Variants in PIKFYVE observed in about 807,000 individuals in gnomAD.
The protein encoded by PIKFYVE is 1-phosphatidylinositol 3-phosphate 5-kinase.
A neutral mutation model predicts 257.9 loss-of-function variants in PIKFYVE; 122 were observed. The observed-to-expected ratio is 0.47, with a 90% CI of 0.41 to 0.55. The LOEUF (loss-of-function observed/expected upper bound fraction) is 0.55, where lower values mean the gene tolerates loss of function less well. Among genes scored for constraint, PIKFYVE ranks in the 20% least tolerant of loss-of-function variants. The pLI is 0.00. For synonymous variants in PIKFYVE, 892 were observed against 868.9 expected (o/e 1.03, Z -0.47); for missense variants, 2,160 against 2,536.6 (o/e 0.85, Z 3.19).
intron 31 of PIKFYVE, 112 bp downstream of exon 31, chr2:208,340,243 AT>A: frequency 7.3e-7 from 1 of 1,366,852 alleles, no homozygotes; most frequent in Non-Finnish European, 1.0e-6. Context: ...CCTAAATTTT[AT>A]TTCATTTTAG....
chr2:208,285,803 GA>G lies in PIKFYVE; in HGVS notation c.693del (p.Asp232ThrfsTer2). 6.2e-7 allele frequency: 1 copy of G among 1,613,994 alleles called. No homozygotes were observed. The highest frequency in any genetic ancestry group is 1.3e-5 in the African/African-American group (1 of 75,006). On this transcript the variant is annotated frameshift_variant, in exon 6 of 42. Transcript: ENST00000264380. LOFTEE classifies it high-confidence loss of function. The stretch of plus-strand genomic sequence containing the variant: ...TTCCACAGACAGTAATTCTATTGGG[GA>G]AGACTTGAATGCTCTTTCAGATTCT... ...AHSTDSNSIG[E>X]DLNALSDSAC...
intron 35 of PIKFYVE, among the ~76,000 whole-genome samples, chr2:208,349,338 T>C (rs1699543120): frequency 6.6e-6 from 1 of 152,060 alleles, no homozygotes; most frequent in Admixed American, 6.5e-5. Flanking sequence ...TTTGTTCTTC[T>C]AGATATTAAG....
chr2:208,285,818 C>T lies in PIKFYVE; in HGVS notation c.706C>T (p.Leu236Phe). 1 of 1,614,052 alleles carries T rather than the reference C, an allele frequency of 6.2e-7. No homozygotes were observed. The highest frequency in any genetic ancestry group is 8.5e-7 in the Non-Finnish European group (1 of 1,179,940). ...TTCTATTGGGGAAGACTTGAATGCTCTTTCAGATTCTGCTTGCTCTGTGTC... is the reference window on the plus strand; with the variant it reads ...TTCTATTGGGGAAGACTTGAATGCTTTTTCAGATTCTGCTTGCTCTGTGTC... ...SNSIGEDLNA[L>F]SDSACSVSVL... The change falls in exon 6 of 42, where the codon CTT becomes TTT. Residue 236 changes from leucine to phenylalanine, a missense_variant. By Grantham distance (22) the Leu-to-Phe change is conservative (BLOSUM62 0). Coordinates refer to ENST00000264380, the MANE Select transcript of PIKFYVE (RefSeq NM_015040.4).
chr2:208,300,043 C>T (rs1464529792), intron 8 of PIKFYVE, among the ~76,000 whole-genome samples: 1 of 151,898 alleles, frequency 6.6e-6, no homozygotes, highest in African/African-American at 2.4e-5. Flanking sequence ...AACAAACAAA[C>T]CAGCAAACCC....
chr2:208,318,818 G>T (rs560025169), intron 16 of PIKFYVE, among the ~76,000 whole-genome samples: 3 of 152,098 alleles, frequency 2.0e-5, no homozygotes, highest in Admixed American at 6.5e-5. Flanking sequence ...CGGCGTGGTG[G>T]CGTGTGCCTG....
chr2:208,269,784 C>G (rs1689164239), intron 1 of PIKFYVE: 1 of 250,074 alleles, frequency 4.0e-6, no homozygotes, highest in African/African-American at 2.3e-5. Flanking sequence ...TAAACTTGAT[C>G]ACCACTTTGG....
In PIKFYVE at chr2:208,328,185, C is replaced by T; in HGVS notation, c.3624C>T (p.Asp1208=). 6.2e-7 allele frequency: 1 copy of T among 1,613,752 alleles called. No individual in the cohort carries two copies. Among genetic ancestry groups the T allele is most frequent in the South Asian group, 1.1e-5 (1 of 91,080 alleles). ...LSDAVWSTKV[D]CLNPINHQRL... is the part of the protein sequence containing the mutation. Reference sequence around the variant, plus strand: ...ATTCATTCCTTCTATTTCAGGTGGACTGTCTGAATCCCATTAATCACCAGA... The same window carrying T: ...ATTCATTCCTTCTATTTCAGGTGGATTGTCTGAATCCCATTAATCACCAGA... The change falls in exon 21 of 42, where the codon GAC becomes GAT. Residue 1208 remains aspartate, a synonymous_variant. Coordinates refer to ENST00000264380, the MANE Select transcript of PIKFYVE (RefSeq NM_015040.4).
intron 7 of PIKFYVE, among the ~76,000 whole-genome samples, chr2:208,296,252 G>A (rs557430845): frequency 1.3e-5 from 2 of 152,248 alleles, no homozygotes; most frequent in East Asian, 1.9e-4. Context: ...TGATCCACCT[G>A]CCTCGGCCTC....
At position 208,304,333 on chromosome 2, in the gene PIKFYVE, C is replaced by T. The variant is rs781345811; in HGVS notation, c.1468+15C>T. 90 of 1,612,868 alleles carry T rather than the reference C, an allele frequency of 5.6e-5. No homozygotes were observed. The highest frequency in any genetic ancestry group is 7.4e-5 in the Non-Finnish European group (87 of 1,179,474). ...TAATTTGGCTAGTGAGTTTAACTTTCTAACATTTTAGTTTTGATGGGTCAT... is the reference window on the plus strand; with the variant it reads ...TAATTTGGCTAGTGAGTTTAACTTTTTAACATTTTAGTTTTGATGGGTCAT... On this transcript the variant is annotated intron_variant, in intron 11 of 41. Transcript: ENST00000264380.
chr2:208,330,031 G>A, intron 22 of PIKFYVE, 118 bp downstream of exon 22: 7 of 1,352,338 alleles, frequency 5.2e-6, no homozygotes, highest in South Asian at 1.3e-5. Context: ...CACTTTCATA[G>A]TGCATATCAG....
rs775927939 is a variant in PIKFYVE at position 208,324,949 on chromosome 2, T to G, written c.2370T>G (p.Asp790Glu). ...LERISRMTQG[D>E]LVMSMDQLLT... ...GAATCAGTCGAATGACCCAAGGTGA[T>G]TTAGTGATGTCAATGGACCAGCTGC... Residue 790 changes from aspartate (D) to glutamate (E), a missense_variant, in exon 19 of 42, where the codon GAT becomes GAG. Physicochemically the swap from Asp to Glu is conservative, Grantham distance 45 (BLOSUM62 2). This residue lies in a region of PIKFYVE where 346 missense variants were observed against 365.6 expected (regional missense o/e 0.95). Coordinates refer to ENST00000264380, the MANE Select transcript of PIKFYVE (RefSeq NM_015040.4). 1.9e-6 allele frequency: 3 copies of G among 1,614,088 alleles called. No individual in the cohort carries two copies. Among genetic ancestry groups the G allele is most frequent in the Non-Finnish European group, 2.5e-6 (3 of 1,179,940 alleles).
chr2:208,326,405 G>C lies in PIKFYVE; in HGVS notation c.3594G>C (p.Leu1198=). The change falls in exon 20 of 42, where the codon CTG becomes CTC. Residue 1198 remains leucine, a synonymous_variant. Coordinates refer to ENST00000264380, the MANE Select transcript of PIKFYVE (RefSeq NM_015040.4). ...GTGATGAAGAGAGAGGGCTTATTCT[G>C]AGTGATGCTGTGTGGTCAACAAAGG... is the stretch of plus-strand genomic sequence containing the variant. ...NEGDEERGLI[L]SDAVWSTKVD... 1.2e-6 allele frequency: 2 copies of C among 1,614,070 alleles called. No individual in the cohort carries two copies. The highest frequency in any genetic ancestry group is 2.2e-5 in the South Asian group (2 of 91,078).
rs778852748 is a variant in PIKFYVE, at chr2:208,313,876, C to T, written c.1697-418C>T. Among the ~76,000 whole-genome samples, 4 of 152,152 alleles carry T rather than the reference C, an allele frequency of 2.6e-5. No homozygotes were observed. The East Asian group carries it at 5.8e-4, about 22-fold the overall frequency. On this transcript the variant is annotated intron_variant, in intron 13 of 41. Coordinates refer to ENST00000264380, the MANE Select transcript of PIKFYVE (RefSeq NM_015040.4). ...GGAATTACAGGCGTGAGCTACCACG[C>T]GCGGCCCAGTTTGTGATTTTAAAGG...
chr2:208,336,334 ACT>A (rs1698137854), intron 27 of PIKFYVE, 134 bp downstream of exon 27: 1 of 976,144 alleles, frequency 1.0e-6, no homozygotes, highest in African/African-American at 1.6e-5. Flanking sequence ...GTTTCCTGTC[ACT>A]CTCCTTTCCT....
intron 23 of PIKFYVE, among the ~76,000 whole-genome samples, chr2:208,331,431 G>A (rs1225373448): frequency 6.6e-6 from 1 of 152,162 alleles, no homozygotes; most frequent in African/African-American, 2.4e-5. Flanking sequence ...GGTCTGGAGT[G>A]CAGTCGTGTG....
chr2:208,335,663 T>A, intron 25 of PIKFYVE, 130 bp from the exon 26 acceptor site: 1 of 861,926 alleles, frequency 1.2e-6, no homozygotes, highest in Non-Finnish European at 1.9e-6. Context: ...TCTGCAAAAC[T>A]GTATGTAATT....
intron 17 of PIKFYVE, among the ~76,000 whole-genome samples, chr2:208,323,528 G>C (rs1696555640): frequency 6.6e-6 from 1 of 152,094 alleles, no homozygotes; most frequent in Non-Finnish European, 1.5e-5. Context: ...CATTTGGGTT[G>C]GTTCCAAGTC....
At chr2:208,268,798 C>T (rs1183874017) in intron 1 of PIKFYVE, among the ~76,000 whole-genome samples, 1 of 151,554 alleles carries the variant, frequency 6.6e-6, no homozygotes, top group African/African-American at 2.4e-5. Flanking sequence ...TTTCTTCCCC[C>T]CCCAATAAAC....
intron 5 of PIKFYVE, among the ~76,000 whole-genome samples, chr2:208,283,673 T>C (rs1258728519): frequency 6.6e-6 from 1 of 152,174 alleles, no homozygotes; most frequent in Non-Finnish European, 1.5e-5. Flanking sequence ...CTCAGCTTCC[T>C]GGGCTCAAGC....
Sources: gnomAD v4.1 joint callset for allele counts (sites outside exome capture counted in the v4.1 genomes callset) on GRCh38, gnomAD v4.1.1 for gene constraint, gnomAD v4.1.1 regional missense constraint, MANE v1.5 for transcripts, NCBI Gene and HGNC (gene_info 2026-07-23, HGNC 2026-07-21) for gene names.